Variants in COG5 observed in about 807,000 individuals in gnomAD.
COG5 encodes the protein conserved oligomeric Golgi complex subunit 5.
In COG5, 86 loss-of-function variants were observed where a neutral mutation model predicts 110.4. The ratio of observed to expected loss-of-function variants is 0.78; its 90% CI spans 0.65 to 0.93. The LOEUF (loss-of-function observed/expected upper bound fraction) is 0.93. Ranked by LOEUF, COG5 falls within the 40% of genes least tolerant of loss-of-function variation. The pLI is 0.00. For missense variants in COG5, 1,077 were observed against 987.0 expected (o/e 1.09, Z -1.22); for synonymous variants, 360 against 334.6 (o/e 1.08, Z -0.83).
chr7:107,481,717 C>CAGAGTATTT (rs1797360047), intron 6 of COG5, among the ~76,000 whole-genome samples: 1 of 152,036 alleles, frequency 6.6e-6, no homozygotes, highest in Admixed American at 6.5e-5. Flanking sequence ...TCTTAAAAAG[C>CAGAGTATTT]TTTGTCTTTT....
chr7:107,471,861 A>G (rs1796653849), intron 6 of COG5: 1 of 151,994 alleles, frequency 6.6e-6, no homozygotes. Context: ...TCTAATGAAA[A>G]CAAACAAAAT....
chr7:107,259,192 C>A (rs1468369516), intron 14 of COG5, among the ~76,000 whole-genome samples: 1 of 151,864 alleles, frequency 6.6e-6, no homozygotes, highest in Non-Finnish European at 1.5e-5. Flanking sequence ...TTAATCCAAT[C>A]CTTTATAACA....
chr7:107,209,842 T>G, intron 21 of COG5: 1 of 985,652 alleles, frequency 1.0e-6, no homozygotes, highest in Non-Finnish European at 1.2e-6. Context: ...GGCGGTCAAC[T>G]GTAGCTAAAG....
chr7:107,290,850 C>T (rs962475158), intron 12 of COG5, among the ~76,000 whole-genome samples: 18 of 150,284 alleles, frequency 1.2e-4, no homozygotes, highest in Admixed American at 1.1e-3. Flanking sequence ...AAGACAGGGT[C>T]TCACTATGTT....
At chr7:107,311,819 C>CA (rs1808298259) in intron 11 of COG5, among the ~76,000 whole-genome samples, 1 of 149,606 alleles carries the variant, frequency 6.7e-6, no homozygotes, top group African/African-American at 2.5e-5. Flanking sequence ...GTCATTTTTC[C>CA]TTTTTTTTTG....
At chr7:107,346,904 G>A (rs1811663691) in intron 10 of COG5, among the ~76,000 whole-genome samples, 1 of 151,932 alleles carries the variant, frequency 6.6e-6, no homozygotes, top group Non-Finnish European at 1.5e-5. Flanking sequence ...ATCAACAGGA[G>A]GATATTAACC....
chr7:107,317,151 C>T (rs80212020), intron 11 of COG5, among the ~76,000 whole-genome samples: 24,655 of 151,996 alleles, frequency 0.16, 2,375 homozygotes, highest in Non-Finnish European at 0.22. Context: ...CAACATAGGA[C>T]GGTGATTCCT....
intron 5 of COG5, among the ~76,000 whole-genome samples, chr7:107,536,795 A>C (rs769214261): frequency 2.0e-5 from 3 of 152,194 alleles, no homozygotes; most frequent in Admixed American, 6.5e-5. Flanking sequence ...AAAAGAGCCC[A>C]TATAGCCAAG....
At chr7:107,463,791 T>C (rs1187678717) in intron 6 of COG5, among the ~76,000 whole-genome samples, 2 of 152,076 alleles carry the variant, frequency 1.3e-5, no homozygotes, top group Admixed American at 6.6e-5. Flanking sequence ...AGGACTGTGG[T>C]GGTGGGAAGG....
At chr7:107,295,083 ATATATATATATATATATATTTT>A (rs1410535426) in intron 12 of COG5, among the ~76,000 whole-genome samples, 29 of 65,062 alleles carry the variant, frequency 4.5e-4, no homozygotes, top group Middle Eastern at 0.015. Flanking sequence ...ATATATATAT[ATATATATATATATATATATTTT>A]TTTTTTTTTT....
At chr7:107,542,072 G>A (rs1248988569) in intron 5 of COG5, among the ~76,000 whole-genome samples, 8 of 152,216 alleles carry the variant, frequency 5.3e-5, no homozygotes, top group African/African-American at 1.7e-4. Flanking sequence ...AACAATACGT[G>A]CTTTTGAAGG....
At chr7:107,472,594 A>C (rs1796702056) in intron 6 of COG5, 1 of 151,934 alleles carries the variant, frequency 6.6e-6, no homozygotes, top group South Asian at 2.1e-4. Flanking sequence ...CACACTTAAA[A>C]TTTTCCATTT....
intron 6 of COG5, among the ~76,000 whole-genome samples, chr7:107,433,148 T>C (rs1794140178): frequency 6.6e-6 from 1 of 152,128 alleles, no homozygotes; most frequent in South Asian, 2.1e-4. Context: ...GCAAAAGACA[T>C]GTATTCTGAA....
At chr7:107,510,625 C>T (rs1431352110) in intron 6 of COG5, among the ~76,000 whole-genome samples, 5 of 152,130 alleles carry the variant, frequency 3.3e-5, no homozygotes, top group Non-Finnish European at 7.3e-5. Context: ...ACACCTATTC[C>T]AAAATTGACC....
At chr7:107,356,611 GA>G (rs1469119043) in intron 10 of COG5, among the ~76,000 whole-genome samples, 2 of 151,708 alleles carry the variant, frequency 1.3e-5, no homozygotes, top group Admixed American at 6.6e-5. Context: ...ATAAAAAAAA[GA>G]AAAAAATTTC....
intron 18 of COG5, among the ~76,000 whole-genome samples, chr7:107,231,492 C>T (rs866348885): frequency 1.1e-4 from 17 of 152,130 alleles, no homozygotes; most frequent in East Asian, 1.9e-4. Flanking sequence ...AGTGCATATG[C>T]GAACTTTTTG....
chr7:107,515,767 G>A (rs1262690720), intron 6 of COG5, among the ~76,000 whole-genome samples: 1 of 152,124 alleles, frequency 6.6e-6, no homozygotes, highest in Admixed American at 6.5e-5. Context: ...TTTACTGTTA[G>A]TCAAATTAAT....
intron 7 of COG5, among the ~76,000 whole-genome samples, chr7:107,379,598 CAA>C (rs200972977): frequency 6.7e-4 from 49 of 73,066 alleles, no homozygotes; most frequent in Non-Finnish European, 8.6e-4. Context: ...AAATGGAAAG[CAA>C]AAAAAAAAAA....
intron 6 of COG5, among the ~76,000 whole-genome samples, chr7:107,449,578 A>G (rs1328556186): frequency 1.3e-5 from 2 of 152,190 alleles, no homozygotes; most frequent in Admixed American, 1.3e-4. Flanking sequence ...TTTTAATGCA[A>G]TACCATAAAC....
Sources: gnomAD v4.1 joint callset for allele counts (sites outside exome capture counted in the v4.1 genomes callset) on GRCh38, gnomAD v4.1.1 for gene constraint, MANE v1.5 for transcripts, NCBI Gene and HGNC (gene_info 2026-07-23, HGNC 2026-07-21) for gene names.